The following CUX2 variants were observed in gnomAD, a reference collection of about 807,000 sequenced individuals.
The protein encoded by CUX2 is cut like homeobox 2.
Under a neutral mutation model 144.8 loss-of-function variants are expected in CUX2, and 40 were observed. The observed-to-expected ratio is 0.28, with a 90% CI of 0.21 to 0.36. The LOEUF (loss-of-function observed/expected upper bound fraction) is 0.36. Ranked by LOEUF, CUX2 falls within the 10% of genes least tolerant of loss-of-function variation. The pLI is 1.00. For synonymous variants in CUX2, 827 were observed against 875.6 expected, an observed-to-expected ratio of 0.94 and a Z score of 0.98; for missense variants, 1,615 against 1,994.0, an observed-to-expected ratio of 0.81 and a Z score of 3.62.
At chr12:111,319,356 A>G (rs1026840832) in intron 16 of CUX2, among the ~76,000 whole-genome samples, 1 of 152,046 alleles carries the variant, frequency 6.6e-6, no homozygotes, top group African/African-American at 2.4e-5. Context: ...TTTTTTTTTT[A>G]AAACAGAACA....
At chr12:111,100,866 C>T (rs939676405) in intron 1 of CUX2, among the ~76,000 whole-genome samples, 3 of 152,138 alleles carry the variant, frequency 2.0e-5, no homozygotes, top group African/African-American at 7.2e-5. Context: ...CATGGGGGAG[C>T]CCCCAGTAGA....
At chr12:111,264,897 A>T (rs1433467368) in intron 4 of CUX2, among the ~76,000 whole-genome samples, 4 of 151,736 alleles carry the variant, frequency 2.6e-5, no homozygotes, top group Admixed American at 6.6e-5. Context: ...CGTAGATAAG[A>T]GTCGATTGTT....
chr12:111,073,106 C>T (rs2136032360), intron 1 of CUX2, among the ~76,000 whole-genome samples: 1 of 152,304 alleles, frequency 6.6e-6, no homozygotes, highest in South Asian at 2.1e-4. Context: ...TGAACATACT[C>T]ATGGAATTTC....
rs944795100 is a variant in CUX2 at position 111,263,314 on chromosome 12, A to G, written c.223-447A>G. The stretch of plus-strand genomic sequence containing the variant: ...CCCCATCGCTTAAACAAACAAGAAA[A>G]AAAATACATGGCCAGCCATGGTGGC... On this transcript the variant is annotated intron_variant, in intron 3 of 21. Transcript: ENST00000261726. The surrounding 1 kb of genome is among the most constrained non-coding windows in gnomAD (Gnocchi z 4.0). 6.6e-6 allele frequency among the ~76,000 whole-genome samples: 1 copy of G among 152,132 alleles called. No homozygotes were observed. The highest frequency in any genetic ancestry group is 2.4e-5 in the African/African-American group (1 of 41,414).
Position 111,341,777 on chromosome 12 carries a change from C to T in CUX2, c.3386-3C>T. Reference sequence around the variant, plus strand: ...TCAGCCCTCCCTCTCTTCCTGGCCCCAGCCTACCTGAAACGTCGCTATGGC... The same window carrying T: ...TCAGCCCTCCCTCTCTTCCTGGCCCTAGCCTACCTGAAACGTCGCTATGGC... On this transcript the variant is annotated splice_region_variant and splice_polypyrimidine_tract_variant and intron_variant, in intron 20 of 21. Coordinates refer to ENST00000261726, the MANE Select transcript of CUX2 (RefSeq NM_015267.4). 1 of 1,582,284 alleles carries T rather than the reference C, an allele frequency of 6.3e-7. No homozygotes were observed. The highest frequency in any genetic ancestry group is 8.6e-7 in the Non-Finnish European group (1 of 1,166,230).
At chr12:111,239,502 AT>A (rs1882917596) in intron 3 of CUX2, among the ~76,000 whole-genome samples, 1 of 152,160 alleles carries the variant, frequency 6.6e-6, no homozygotes, top group Non-Finnish European at 1.5e-5. Flanking sequence ...AAAGAAATTA[AT>A]GATACATCGA....
intron 1 of CUX2, among the ~76,000 whole-genome samples, chr12:111,162,069 G>T (rs560841697): frequency 6.6e-6 from 1 of 152,328 alleles, no homozygotes; most frequent in Admixed American, 6.5e-5. Flanking sequence ...TTCAGCAGGG[G>T]CGTTACTGTT....
intron 1 of CUX2, among the ~76,000 whole-genome samples, chr12:111,194,679 G>A (rs1880126277): frequency 6.6e-6 from 1 of 152,228 alleles, no homozygotes. Flanking sequence ...GCCCTCACCT[G>A]TAAGCCCCAG....
At chr12:111,155,307 G>T (rs1194326116) in intron 1 of CUX2, among the ~76,000 whole-genome samples, 3 of 152,060 alleles carry the variant, frequency 2.0e-5, no homozygotes, top group Non-Finnish European at 4.4e-5. Context: ...TTGAATGAAT[G>T]AATGGAAAAA....
At position 111,277,693 on chromosome 12, in the gene CUX2, G is replaced by T. The variant is rs1301048703; in HGVS notation, c.302-13725G>T. Among the ~76,000 whole-genome samples, 4 of 152,172 alleles carry T rather than the reference G, an allele frequency of 2.6e-5. No homozygotes were observed. The highest frequency in any genetic ancestry group is 9.7e-5 in the African/African-American group (4 of 41,428). On this transcript the variant is annotated intron_variant, in intron 4 of 21. Transcript: ENST00000261726. The surrounding 1 kb of genome is among the most constrained non-coding windows in gnomAD (Gnocchi z 5.0). ...ACCTCCACGGCCCAGAGCTTTCCCT[G>T]ACACACAGCAGGCACTCGGGAAATA...
intron 1 of CUX2, among the ~76,000 whole-genome samples, chr12:111,091,611 C>T (rs759924964): frequency 2.0e-5 from 3 of 152,154 alleles, no homozygotes; most frequent in Non-Finnish European, 4.4e-5. Flanking sequence ...ACGCTGTGTT[C>T]CTTTCTGAGG....
intron 10 of CUX2, 97 bp from the exon 11 acceptor site, chr12:111,306,824 A>G: frequency 9.8e-7 from 1 of 1,020,668 alleles, no homozygotes; most frequent in Non-Finnish European, 1.5e-6. Context: ...CCAGATCAAC[A>G]AATTTGCATT....
intron 3 of CUX2, among the ~76,000 whole-genome samples, chr12:111,227,308 G>C (rs1421801619): frequency 6.6e-6 from 1 of 152,174 alleles, no homozygotes; most frequent in East Asian, 1.9e-4. Context: ...TGGCAGTGGA[G>C]AAGTGACTTA....
intron 19 of CUX2, among the ~76,000 whole-genome samples, chr12:111,337,368 A>AG (rs2136439380): frequency 6.6e-6 from 1 of 151,048 alleles, no homozygotes; most frequent in African/African-American, 2.4e-5. Context: ...AAAAAAAAAA[A>AG]GAAAAGAAAA....
rs1043000233 is a variant in CUX2, at chr12:111,310,005, C to T, written c.1259-36C>T. On this transcript the variant is annotated intron_variant, in intron 14 of 21. Transcript: ENST00000261726. The surrounding 1 kb of genome is among the most constrained non-coding windows in gnomAD (Gnocchi z 7.9). ...TCTCTCCCCTCATCATCGTCTTCCC[C>T]GTCTGTCTGTCTGTCTGTCTGTCTG... The T allele has an allele frequency of 7.9e-6, 10 of 1,266,098 alleles. No homozygotes were observed. Among genetic ancestry groups the T allele is most frequent in the Middle Eastern group, 2.0e-4 (1 of 4,980 alleles). The allele number at this position is 1,266,098 out of a possible 1,614,324, so 78.4% of individuals were successfully genotyped here. A position where few individuals can be genotyped will look rare whatever the true frequency, so the allele number is the denominator to read the frequency against.
intron 3 of CUX2, among the ~76,000 whole-genome samples, chr12:111,248,315 T>C (rs75556128): frequency 1.0e-3 from 159 of 152,268 alleles, no homozygotes; most frequent in African/African-American, 3.5e-3. Context: ...GCTAGTTCTT[T>C]CTCCACCTAG....
At chr12:111,226,445 A>G (rs1882148855) in intron 3 of CUX2, among the ~76,000 whole-genome samples, 2 of 152,210 alleles carry the variant, frequency 1.3e-5, no homozygotes, top group Admixed American at 6.5e-5. Flanking sequence ...CCATATTACA[A>G]CCAAATTAAG....
intron 1 of CUX2, among the ~76,000 whole-genome samples, chr12:111,212,578 A>C (rs1442357231): frequency 6.6e-6 from 1 of 152,206 alleles, no homozygotes; most frequent in Non-Finnish European, 1.5e-5. Context: ...TATGTTGCCC[A>C]GGCTGGTCTC....
At chr12:111,113,891 T>G (rs1464262167) in intron 1 of CUX2, among the ~76,000 whole-genome samples, 3 of 152,246 alleles carry the variant, frequency 2.0e-5, no homozygotes, top group African/African-American at 7.2e-5. Context: ...CATTTGGGAT[T>G]CATCCACATT....
Sources: allele counts gnomAD v4.1 joint callset (sites outside exome capture counted in the v4.1 genomes callset), GRCh38; gene constraint gnomAD v4.1.1; non-coding constraint Gnocchi (gnomAD v3.1); transcripts MANE v1.5; gene names NCBI Gene and HGNC (gene_info 2026-07-23, HGNC 2026-07-21).